ANKRD45: variants seen among roughly 807,000 people sequenced by gnomAD.
The protein encoded by ANKRD45 is ankyrin repeat domain 45.
Under a neutral mutation model 28.1 loss-of-function variants are expected in ANKRD45, and 21 were observed. The observed-to-expected ratio is 0.75, with a 90% CI of 0.53 to 1.08. ANKRD45 has a LOEUF of 1.08. ANKRD45 is among the 50% of genes least tolerant of loss of function. ANKRD45 has a pLI of 0.00. For synonymous variants in ANKRD45, 86 were observed against 103.9 expected, an observed-to-expected ratio of 0.83 and a Z score of 1.05; for missense variants, 261 against 308.7, an observed-to-expected ratio of 0.85 and a Z score of 1.16.
At chr1:173,665,109 T>G (rs1277756168) in intron 1 of ANKRD45, among the ~76,000 whole-genome samples, 1 of 152,102 alleles carries the variant, frequency 6.6e-6, no homozygotes, top group East Asian at 1.9e-4. Context: ...TCCAGCAAAA[T>G]CATCCATGAA....
the ANKRD45 span, among the ~76,000 whole-genome samples, chr1:173,713,565 C>T: frequency 6.6e-6 from 1 of 152,216 alleles, no homozygotes; most frequent in Non-Finnish European, 1.5e-5. Context: ...TCCCCAATTA[C>T]TCCTACAGAT....
intron 1 of ANKRD45, among the ~76,000 whole-genome samples, chr1:173,663,128 T>A (rs1449535915): frequency 6.6e-6 from 1 of 150,982 alleles, no homozygotes; most frequent in Non-Finnish European, 1.5e-5. Context: ...TTTCAGAGAA[T>A]TCTAATAAAA....
chr1:173,642,581 A>G (rs1668748941), intron 3 of ANKRD45, among the ~76,000 whole-genome samples: 1 of 152,246 alleles, frequency 6.6e-6, no homozygotes, highest in Non-Finnish European at 1.5e-5. Flanking sequence ...AAATTCTGCT[A>G]GCTGTAATAA....
the ANKRD45 span, among the ~76,000 whole-genome samples, chr1:173,688,696 T>TCTCTCTTTCTGCCTCTTTC: frequency 3.7e-5 from 4 of 106,894 alleles, no homozygotes; most frequent in East Asian, 8.9e-4. Flanking sequence ...CTCTTTCCTC[T>TCTCTCTTTCTGCCTCTTTC]CTCTCTTTCT....
At chr1:173,688,629 C>CCTCTTTCCTCTCT in the ANKRD45 span, among the ~76,000 whole-genome samples, 1 of 125,270 alleles carries the variant, frequency 8.0e-6, no homozygotes, top group Non-Finnish European at 1.9e-5. Flanking sequence ...TCCGCCTCTT[C>CCTCTTTCCTCTCT]CTCTTTCTGC....
chr1:173,612,985 G>A (rs1480524315), intron 5 of ANKRD45, among the ~76,000 whole-genome samples: 7 of 152,100 alleles, frequency 4.6e-5, no homozygotes, highest in African/African-American at 1.4e-4. Flanking sequence ...CCAAAATGCC[G>A]AGATTGCAGC....
chr1:173,617,613 A>T (rs139050115), intron 5 of ANKRD45, among the ~76,000 whole-genome samples: 176 of 152,340 alleles, frequency 1.2e-3, no homozygotes, highest in African/African-American at 4.0e-3. Flanking sequence ...AGGGTTATAC[A>T]GACATAACTC....
chr1:173,613,569 C>CCCCT (rs1553264336), intron 5 of ANKRD45, among the ~76,000 whole-genome samples: 2 of 130,674 alleles, frequency 1.5e-5, no homozygotes, highest in African/African-American at 8.5e-5. Flanking sequence ...TCAGCCCCCC[C>CCCCT]CCCGGCCAGC....
At chr1:173,671,881 C>CAAA (rs1174957908), upstream of ANKRD45, among the ~76,000 whole-genome samples, 5 of 92,732 alleles carry the variant, frequency 5.4e-5, no homozygotes, top group African/African-American at 2.0e-4. Flanking sequence ...GACTCCGTCT[C>CAAA]AAAAAAAAAA....
rs141629326 is a variant in ANKRD45 at position 173,660,316 on chromosome 1, C to T, written c.-15-883G>A. On this transcript the variant is annotated intron_variant, in intron 1 of 5. Transcript: ENST00000333279. ...TTACGTACAAGAATGTTTGTGGCAT[C>T]ACTGTTCACAACAGCAAAAAACCCA... Among the ~76,000 whole-genome samples the T allele has an allele frequency of 1.4e-4, 22 of 152,236 alleles. 1 individual carries two copies. Among genetic ancestry groups the T allele is most frequent in the African/African-American group, 5.1e-4 (21 of 41,544 alleles).
At chr1:173,649,105 T>C (rs1209263534) in intron 2 of ANKRD45, among the ~76,000 whole-genome samples, 1 of 152,214 alleles carries the variant, frequency 6.6e-6, no homozygotes, top group Non-Finnish European at 1.5e-5. Flanking sequence ...AATATTCCAT[T>C]GTATGAAAAC....
the ANKRD45 span, among the ~76,000 whole-genome samples, chr1:173,714,303 T>C: frequency 1.3e-5 from 2 of 152,150 alleles, no homozygotes; most frequent in Admixed American, 1.3e-4. Context: ...AATATACTTT[T>C]TTGGCTCTGC....
intron 5 of ANKRD45, among the ~76,000 whole-genome samples, chr1:173,617,094 C>T (rs971251402): frequency 2.0e-5 from 3 of 152,132 alleles, no homozygotes; most frequent in Non-Finnish European, 2.9e-5. Flanking sequence ...GCCCATGCCA[C>T]CAGAGCCTTG....
rs1047006409 is a variant in ANKRD45, at chr1:173,663,005, T to C, written c.-15-3572A>G. 4.0e-5 allele frequency among the ~76,000 whole-genome samples: 6 copies of C among 151,478 alleles called. No individual in the cohort carries two copies. The East Asian group carries it at 1.2e-3, about 29-fold the overall frequency. ...CTTTCATTTTACAGAAGAATTACAG[T>C]GGAAACTTATAATTCTTCAGTGTCT... On this transcript the variant is annotated intron_variant, in intron 1 of 5. Transcript: ENST00000333279.
At chr1:173,679,292 A>C in the ANKRD45 span, among the ~76,000 whole-genome samples, 1 of 152,216 alleles carries the variant, frequency 6.6e-6, no homozygotes, top group African/African-American at 2.4e-5. Flanking sequence ...CCTGACTTCA[A>C]ACTATACTAC....
At chr1:173,669,309 C>T (rs1670153810) in intron 1 of ANKRD45, 1 of 395,536 alleles carries the variant, frequency 2.5e-6, no homozygotes, top group African/African-American at 2.1e-5. Flanking sequence ...AGAGCATAAA[C>T]AAAGGGCAAG....
At chr1:173,711,717 TACTC>T in the ANKRD45 span, among the ~76,000 whole-genome samples, 1 of 152,222 alleles carries the variant, frequency 6.6e-6, no homozygotes, top group African/African-American at 2.4e-5. Flanking sequence ...GGCATAGTCT[TACTC>T]AGGTGGCAGA....
intron 5 of ANKRD45, among the ~76,000 whole-genome samples, chr1:173,613,542 G>A (rs1215433442): frequency 3.4e-5 from 5 of 147,466 alleles, no homozygotes; most frequent in East Asian, 4.0e-4. Flanking sequence ...CGCCCCGTCC[G>A]GGAGGGAGGT....
the ANKRD45 span, among the ~76,000 whole-genome samples, chr1:173,699,365 A>G: frequency 1.5e-4 from 23 of 152,316 alleles, no homozygotes; most frequent in African/African-American, 5.1e-4. Flanking sequence ...CAGAGATACA[A>G]CAAAAAAAGA....
Sources: allele counts gnomAD v4.1 joint callset (sites outside exome capture counted in the v4.1 genomes callset), GRCh38; gene constraint gnomAD v4.1.1; transcripts MANE v1.5; gene names NCBI Gene and HGNC (gene_info 2026-07-23, HGNC 2026-07-21).